The following POU2F2 variants were observed in gnomAD, a reference collection of about 807,000 sequenced individuals.
The protein encoded by POU2F2 is POU class 2 homeobox 2, also known as POU domain, class 2, transcription factor 2.
A neutral mutation model predicts 63.5 loss-of-function variants in POU2F2; 14 were observed. The ratio of observed to expected loss-of-function variants is 0.22; its 90% CI spans 0.15 to 0.34. The LOEUF is 0.34. POU2F2 is among the 10% of genes least tolerant of loss of function. The pLI, the probability that POU2F2 is intolerant of heterozygous loss-of-function variation, is 1.00. For missense variants in POU2F2, 607 were observed against 815.2 expected (o/e 0.74, Z 3.11); for synonymous variants, 306 against 348.6 (o/e 0.88, Z 1.36).
intron 2 of POU2F2, chr19:42,157,311 A>G (rs2034475713): frequency 1.3e-5 from 2 of 152,134 alleles, no homozygotes; most frequent in South Asian, 2.1e-4. Context: ...CCCCTAGGCC[A>G]GCCAGCCTAT....
At chr19:42,176,784 G>A (rs1428861077), upstream of POU2F2, among the ~76,000 whole-genome samples, 2 of 151,702 alleles carry the variant, frequency 1.3e-5, no homozygotes, top group East Asian at 2.0e-4. Context: ...GGCGCCGAGA[G>A]GGAGGCGAGA....
upstream of POU2F2, among the ~76,000 whole-genome samples, chr19:42,135,170 C>T (rs2033978181): frequency 6.6e-6 from 1 of 152,146 alleles, no homozygotes; most frequent in African/African-American, 2.4e-5. Flanking sequence ...GCACTGCCCT[C>T]ATCTGTAGGG....
Position 42,169,015 on chromosome 19 carries a change from T to A in POU2F2, c.-70+6948A>T, listed in dbSNP as rs1178958621. 6.6e-6 allele frequency among the ~76,000 whole-genome samples: 1 copy of A among 152,264 alleles called. No individual in the cohort carries two copies. Among genetic ancestry groups the A allele is most frequent in the Non-Finnish European group, 1.5e-5 (1 of 68,048 alleles). The stretch of plus-strand genomic sequence containing the variant: ...TTAGAGAGCAAGGCCCAGGTCTGTC[T>A]CGTAAACCACTGTTTCCTCAGCTTC... On this transcript the variant is annotated intron_variant, in intron 1 of 6. Coordinates refer to the POU2F2 transcript ENST00000524801. This position sits in a 1 kb window ranked among gnomAD's most constrained non-coding sequence, Gnocchi z 4.3.
chr19:42,139,872 C>T (rs964110848), intron 2 of POU2F2, among the ~76,000 whole-genome samples: 2 of 152,188 alleles, frequency 1.3e-5, no homozygotes, highest in Admixed American at 6.5e-5. Context: ...TGGGTATACT[C>T]GGCAACCCAC....
intron 1 of POU2F2, among the ~76,000 whole-genome samples, chr19:42,171,000 C>A (rs562693199): frequency 6.6e-6 from 1 of 152,286 alleles, no homozygotes; most frequent in African/African-American, 2.4e-5. Context: ...CTCTGGCCTG[C>A]ATTTGTTGAA....
upstream of POU2F2, chr19:42,132,560 C>A: frequency 1.5e-6 from 1 of 658,772 alleles, no homozygotes; most frequent in Non-Finnish European, 2.3e-6. Flanking sequence ...GGCCCACAGA[C>A]CCGCCCCGGC....
intron 2 of POU2F2, among the ~76,000 whole-genome samples, chr19:42,159,921 C>G (rs2034523320): frequency 6.6e-6 from 1 of 152,174 alleles, no homozygotes; most frequent in South Asian, 2.1e-4. Flanking sequence ...CTCAGGATGG[C>G]ACTTAAGGTG....
chr19:42,182,283 C>A (rs1425936484), intron 1 of POU2F2, among the ~76,000 whole-genome samples: 1 of 54,604 alleles, frequency 1.8e-5, no homozygotes, highest in African/African-American at 5.9e-5. Flanking sequence ...AGAGAGAGAC[C>A]TGGAACTGGA....
Position 42,086,458 on chromosome 19 carries a change from C to T in POU2F2, c.*4799G>A, listed in dbSNP as rs1372256480. 1 of 152,220 alleles carries T rather than the reference C, an allele frequency of 6.6e-6. No homozygotes were observed. The highest frequency in any genetic ancestry group is 2.4e-5 in the African/African-American group (1 of 41,414). The allele number at this position is 152,220 out of a possible 1,614,324, so 9.4% of individuals were successfully genotyped here. On this transcript the variant is annotated 3_prime_UTR_variant, in exon 15 of 15. Transcript: ENST00000692977. ...CCACCCCCTCCAACTTCACCCACCCCCATTCCAACCTGGTCATTCTGGGTG... is the reference window on the plus strand; with the variant it reads ...CCACCCCCTCCAACTTCACCCACCCTCATTCCAACCTGGTCATTCTGGGTG...
In POU2F2 at chr19:42,089,712, A is replaced by ATATATATATATATATATATGTT. The variant is rs923789551; in HGVS notation, c.*1523_*1544dup. The stretch of plus-strand genomic sequence containing the variant: ...AGAGTCCTCATCTTCTTTCCCTTTT[A>ATATATATATATATATATATGTT]TATATATATATATATATATGTTTAT... On this transcript the variant is annotated 3_prime_UTR_variant, in exon 15 of 15. Coordinates refer to ENST00000692977, the MANE Select transcript of POU2F2 (RefSeq NM_001394376.1). 1.4e-5 allele frequency: 2 copies of ATATATATATATATATATATGTT among 143,540 alleles called. No individual in the cohort carries two copies. The highest frequency in any genetic ancestry group is 2.0e-4 in the East Asian group (1 of 4,920). 8.9% of individuals were successfully genotyped at this position (143,540 alleles called of 1,614,324 possible).
intron 5 of POU2F2, among the ~76,000 whole-genome samples, chr19:42,105,430 T>C (rs1011760504): frequency 4.6e-5 from 7 of 152,100 alleles, no homozygotes; most frequent in African/African-American, 1.4e-4. Context: ...AGAAATCAAG[T>C]CTTATTACCA....
chr19:42,128,904 C>A (rs2033445551), intron 1 of POU2F2, among the ~76,000 whole-genome samples: 1 of 151,862 alleles, frequency 6.6e-6, no homozygotes, highest in African/African-American at 2.4e-5. Flanking sequence ...ATGATCTCAG[C>A]TCACTGCAAC....
intron 1 of POU2F2, among the ~76,000 whole-genome samples, chr19:42,164,558 G>A (rs373809232): frequency 2.7e-5 from 4 of 149,086 alleles, no homozygotes; most frequent in East Asian, 2.0e-4. Flanking sequence ...GTGACAGTGC[G>A]AGACTCTGTC....
upstream of POU2F2, chr19:42,136,707 T>C (rs1409518188): frequency 6.6e-6 from 1 of 152,274 alleles, no homozygotes; most frequent in Non-Finnish European, 1.5e-5. Context: ...GAGCTCCTTC[T>C]TGGAGGCGTG....
At chr19:42,101,277 C>G (rs1229223113) in intron 5 of POU2F2, among the ~76,000 whole-genome samples, 1 of 151,862 alleles carries the variant, frequency 6.6e-6, no homozygotes, top group East Asian at 1.9e-4. Context: ...TGCCACCCCC[C>G]AAAAAGGTAA....
At position 42,169,401 on chromosome 19, in the gene POU2F2, C is replaced by A. The variant is rs903701408; in HGVS notation, c.-70+6562G>T. Among the ~76,000 whole-genome samples, 1 of 152,256 alleles carries A rather than the reference C, an allele frequency of 6.6e-6. No homozygotes were observed. Among genetic ancestry groups the A allele is most frequent in the South Asian group, 2.1e-4 (1 of 4,836 alleles). On this transcript the variant is annotated intron_variant, in intron 1 of 6. Coordinates refer to the POU2F2 transcript ENST00000524801. This position sits in a 1 kb window ranked among gnomAD's most constrained non-coding sequence, Gnocchi z 4.3. ...AGAGGTCTCAGCACCTATGTGCCTG[C>A]ACAGACATCTGGGTTTTCATACCTG... is the stretch of plus-strand genomic sequence containing the variant.
chr19:42,106,565 C>T (rs753575347), intron 5 of POU2F2, among the ~76,000 whole-genome samples: 6 of 152,154 alleles, frequency 3.9e-5, no homozygotes, highest in Non-Finnish European at 7.3e-5. Context: ...CAAACCTCAG[C>T]ATCCATGCAA....
intron 2 of POU2F2, among the ~76,000 whole-genome samples, chr19:42,148,074 C>G (rs769115819): frequency 2.0e-5 from 3 of 151,900 alleles, no homozygotes; most frequent in African/African-American, 4.8e-5. Context: ...TCTTGCCCCC[C>G]TCTTCATCCT....
chr19:42,180,490 T>C (rs1199709626), upstream of POU2F2, among the ~76,000 whole-genome samples: 1 of 152,178 alleles, frequency 6.6e-6, no homozygotes, highest in Non-Finnish European at 1.5e-5. Flanking sequence ...TCCCTCCATC[T>C]GTACGTGTAC....
Sources: gnomAD v4.1 joint callset for allele counts (sites outside exome capture counted in the v4.1 genomes callset) on GRCh38, gnomAD v4.1.1 for gene constraint, Gnocchi (gnomAD v3.1) non-coding constraint, MANE v1.5 for transcripts, NCBI Gene and HGNC (gene_info 2026-07-23, HGNC 2026-07-21) for gene names.